UNC5C: variants seen among roughly 807,000 people sequenced by gnomAD.
UNC5C encodes the protein unc-5 netrin receptor C, also known as netrin receptor UNC5C.
UNC5C carries 47 observed loss-of-function variants against 99.8 expected under a neutral mutation model. The observed-to-expected ratio is 0.47, with a 90% CI of 0.37 to 0.60. UNC5C has a LOEUF of 0.60. Ranked by LOEUF, UNC5C falls within the 20% of genes least tolerant of loss-of-function variation. The probability of loss-of-function intolerance (pLI) is 0.00; values close to 1 mark genes in which losing one functional copy is unlikely to be tolerated. For synonymous variants in UNC5C, 487 were observed against 452.2 expected (o/e 1.08, Z -0.98); for missense variants, 1,062 against 1,165.9 (o/e 0.91, Z 1.30).
In UNC5C at chr4:95,356,207, AAAAAACAAAAC is replaced by A. The variant is rs1238966814; in HGVS notation, c.125-20587_125-20577del. 7.8e-3 allele frequency among the ~76,000 whole-genome samples: 1,083 copies of A among 138,252 alleles called. 72 individuals carry two copies. Among genetic ancestry groups the A allele is most frequent in the African/African-American group, 0.027 (966 of 35,782 alleles). 90.7% of individuals were successfully genotyped at this position (138,252 alleles called of 152,430 possible). Reference sequence around the variant, plus strand: ...AGACCCTGTAGCAAAAAAAAAAAAAAAAAAACAAAACAAAAAAAAAACAGATTCCTCGTTCT... The same window carrying A: ...AGACCCTGTAGCAAAAAAAAAAAAAAAAAAAAAAAACAGATTCCTCGTTCT... On this transcript the variant is annotated intron_variant, in intron 1 of 15. Coordinates refer to ENST00000453304, the MANE Select transcript of UNC5C (RefSeq NM_003728.4).
At chr4:95,191,690 ACCT>A (rs761293704) in intron 12 of UNC5C, among the ~76,000 whole-genome samples, 5 of 111,530 alleles carry the variant, frequency 4.5e-5, no homozygotes, top group Non-Finnish European at 9.4e-5. Context: ...CTCCCCAATC[ACCT>A]CCTCCCCTGC....
At chr4:95,284,120 A>G (rs1200266002) in intron 3 of UNC5C, among the ~76,000 whole-genome samples, 6 of 151,804 alleles carry the variant, frequency 4.0e-5, no homozygotes, top group Admixed American at 2.0e-4. Context: ...TGATGCTTTC[A>G]GTGATTTTTT....
At chr4:95,204,215 A>G (rs552819800) in intron 11 of UNC5C, among the ~76,000 whole-genome samples, 2 of 152,368 alleles carry the variant, frequency 1.3e-5, no homozygotes, top group South Asian at 4.1e-4. Context: ...ATAAAAATAA[A>G]TGGAAGTGAT....
intron 1 of UNC5C, among the ~76,000 whole-genome samples, chr4:95,542,482 CTTAA>C (rs1319825232): frequency 7.9e-5 from 12 of 152,116 alleles, no homozygotes; most frequent in African/African-American, 2.4e-4. Flanking sequence ...GTAACTTCAA[CTTAA>C]TTAATGTCAT....
intron 1 of UNC5C, among the ~76,000 whole-genome samples, chr4:95,357,034 A>G (rs937980055): frequency 6.6e-6 from 1 of 152,062 alleles, no homozygotes; most frequent in African/African-American, 2.4e-5. Flanking sequence ...AAGGTCTGTG[A>G]CAACATTTCC....
At chr4:95,481,705 C>G (rs947936471) in intron 1 of UNC5C, among the ~76,000 whole-genome samples, 9 of 152,108 alleles carry the variant, frequency 5.9e-5, no homozygotes, top group African/African-American at 1.9e-4. Context: ...AATAACGCCG[C>G]ATATCTACAG....
intron 1 of UNC5C, among the ~76,000 whole-genome samples, chr4:95,510,372 A>T (rs893085274): frequency 6.6e-6 from 1 of 152,098 alleles, no homozygotes; most frequent in Non-Finnish European, 1.5e-5. Context: ...TCAGTTATAA[A>T]TACGTGAATG....
At chr4:95,321,047 C>T (rs767502352) in intron 2 of UNC5C, among the ~76,000 whole-genome samples, 5 of 152,084 alleles carry the variant, frequency 3.3e-5, no homozygotes, top group Admixed American at 3.3e-4. Context: ...ATTTTCTCAC[C>T]TTTACTTTGC....
At chr4:95,367,389 G>C (rs1744607003) in intron 1 of UNC5C, among the ~76,000 whole-genome samples, 2 of 151,760 alleles carry the variant, frequency 1.3e-5, no homozygotes, top group Admixed American at 1.3e-4. Context: ...ATGTTGCCCA[G>C]GCTGGTTTCA....
intron 1 of UNC5C, among the ~76,000 whole-genome samples, chr4:95,479,167 C>T (rs893632740): frequency 5.9e-5 from 9 of 152,010 alleles, no homozygotes; most frequent in Non-Finnish European, 8.8e-5. Context: ...AATTGCATGC[C>T]TACCTGCTCT....
intron 1 of UNC5C, among the ~76,000 whole-genome samples, chr4:95,397,470 T>G (rs1046990138): frequency 6.6e-6 from 1 of 152,198 alleles, no homozygotes; most frequent in African/African-American, 2.4e-5. Context: ...TAGTTAATTC[T>G]CCCCTAGACA....
chr4:95,477,967 A>C (rs905421475), intron 1 of UNC5C, among the ~76,000 whole-genome samples: 1 of 151,998 alleles, frequency 6.6e-6, no homozygotes, highest in African/African-American at 2.4e-5. Context: ...ATGCAAATTA[A>C]ATAAGTTCAT....
intron 5 of UNC5C, chr4:95,248,739 A>G (rs533807557): frequency 5.6e-6 from 2 of 354,728 alleles, no homozygotes; most frequent in African/African-American, 4.3e-5. Flanking sequence ...ATATACCATA[A>G]TGGTCTGTTC....
intron 1 of UNC5C, among the ~76,000 whole-genome samples, chr4:95,540,924 G>C (rs908439000): frequency 6.6e-6 from 1 of 151,994 alleles, no homozygotes; most frequent in Non-Finnish European, 1.5e-5. Flanking sequence ...ATCATTTTTA[G>C]TTTCTATAAA....
At chr4:95,205,695 A>T (rs1379430991) in intron 11 of UNC5C, among the ~76,000 whole-genome samples, 2 of 152,144 alleles carry the variant, frequency 1.3e-5, no homozygotes, top group Middle Eastern at 3.2e-3. Context: ...TAGTTTTAAA[A>T]TTATTGAGTA....
intron 1 of UNC5C, among the ~76,000 whole-genome samples, chr4:95,349,322 GGTGTGTGTGT>G (rs151051852): frequency 8.3e-6 from 1 of 120,604 alleles, no homozygotes; most frequent in African/African-American, 3.0e-5. Flanking sequence ...AGAGAGAAAG[GGTGTGTGTGT>G]GTGTGTGTGG....
intron 1 of UNC5C, among the ~76,000 whole-genome samples, chr4:95,470,025 GTTTACATTTC>G (rs1419481489): frequency 6.6e-6 from 1 of 152,012 alleles, no homozygotes. Context: ...CTTTATGTTC[GTTTACATTTC>G]TTTGGATTGC....
At chr4:95,351,396 T>G (rs1579349469) in intron 1 of UNC5C, among the ~76,000 whole-genome samples, 1 of 151,968 alleles carries the variant, frequency 6.6e-6, no homozygotes, top group African/African-American at 2.4e-5. Flanking sequence ...CAGAAGTTTA[T>G]AGGAATTACT....
chr4:95,241,978 C>T (rs1739341936), intron 7 of UNC5C, among the ~76,000 whole-genome samples: 2 of 152,150 alleles, frequency 1.3e-5, no homozygotes, highest in South Asian at 2.1e-4. Flanking sequence ...ACTAAACATT[C>T]GTTCTAAGGT....
Sources: gnomAD v4.1 joint callset for allele counts (sites outside exome capture counted in the v4.1 genomes callset) on GRCh38, gnomAD v4.1.1 for gene constraint, MANE v1.5 for transcripts, NCBI Gene and HGNC (gene_info 2026-07-23, HGNC 2026-07-21) for gene names.